OPRM1: variants seen among roughly 807,000 people sequenced by gnomAD.
The protein encoded by OPRM1 is mu-type opioid receptor.
OPRM1 carries 27 observed loss-of-function variants against 31.8 expected under a neutral mutation model. The observed-to-expected ratio is 0.85, with a 90% CI of 0.63 to 1.17. The LOEUF is 1.17. Among genes scored for constraint, OPRM1 ranks in the 50% most tolerant of loss-of-function variants. OPRM1 has a pLI of 0.00. For missense variants in OPRM1, 536 were observed against 511.1 expected (o/e 1.05, Z -0.47); for synonymous variants, 196 against 189.9 (o/e 1.03, Z -0.26).
At chr6:154,114,572 G>T (rs148828506) in intron 3 of OPRM1, among the ~76,000 whole-genome samples, 3 of 152,256 alleles carry the variant, frequency 2.0e-5, no homozygotes, top group African/African-American at 4.8e-5. Flanking sequence ...CCAGGGAAGG[G>T]GTCTTAATCT....
At chr6:154,212,701 A>T in intron 3 of OPRM1, 1 of 1,053,050 alleles carries the variant, frequency 9.5e-7, no homozygotes, top group Non-Finnish European at 1.5e-6. Flanking sequence ...GCTACTTCCT[A>T]TTCAATTGGA....
At chr6:154,059,318 C>T (rs1783946157) in intron 1 of OPRM1, among the ~76,000 whole-genome samples, 1 of 152,238 alleles carries the variant, frequency 6.6e-6, no homozygotes, top group South Asian at 2.1e-4. Flanking sequence ...AAAATAGAAC[C>T]CATCAATTAT....
intron 3 of OPRM1, among the ~76,000 whole-genome samples, chr6:154,174,423 C>A (rs1800130883): frequency 6.6e-6 from 1 of 151,974 alleles, no homozygotes; most frequent in East Asian, 1.9e-4. Context: ...ATTCAGGAGA[C>A]CCATCTCACG....
intron 3 of OPRM1, among the ~76,000 whole-genome samples, chr6:154,177,596 C>T (rs1645727047): frequency 6.6e-6 from 1 of 152,214 alleles, no homozygotes; most frequent in Admixed American, 6.5e-5. Flanking sequence ...GAGATACCAT[C>T]TCACGCCAGT....
intron 1 of OPRM1, among the ~76,000 whole-genome samples, chr6:154,071,766 T>G (rs373030531): frequency 6.6e-6 from 1 of 152,220 alleles, no homozygotes; most frequent in Non-Finnish European, 1.5e-5. Flanking sequence ...AGAGTTGTCA[T>G]TGAGCAGTGG....
chr6:154,109,114 T>C, intron 3 of OPRM1: 1 of 805,484 alleles, frequency 1.2e-6, no homozygotes, highest in Non-Finnish European at 1.5e-6. Context: ...AGGAACGAAA[T>C]AAGCAAATTA....
At chr6:154,013,253 A>G (rs757434339) in intron 1 of OPRM1, among the ~76,000 whole-genome samples, 33 of 152,198 alleles carry the variant, frequency 2.2e-4, no homozygotes, top group Non-Finnish European at 3.5e-4. Flanking sequence ...AACCAGTTAC[A>G]GCCAGGAAAC....
chr6:154,091,624 G>T (rs200039713), intron 3 of OPRM1, 152 bp downstream of exon 3: 32 of 1,427,710 alleles, frequency 2.2e-5, no homozygotes, highest in Non-Finnish European at 2.7e-5. Flanking sequence ...GAAGAGGTTT[G>T]TTATATAAAC....
At chr6:154,205,456 G>T (rs535240782) in intron 3 of OPRM1, among the ~76,000 whole-genome samples, 1 of 152,166 alleles carries the variant, frequency 6.6e-6, no homozygotes, top group Non-Finnish European at 1.5e-5. Flanking sequence ...TTAGCTGGGC[G>T]TGGTGGTGCA....
chr6:154,053,029 C>G (rs1212996923), intron 1 of OPRM1, among the ~76,000 whole-genome samples: 1 of 152,172 alleles, frequency 6.6e-6, no homozygotes, highest in Non-Finnish European at 1.5e-5. Flanking sequence ...TATTTCACCC[C>G]AGGCCTCCAT....
intron 3 of OPRM1, among the ~76,000 whole-genome samples, chr6:154,093,066 T>C (rs1274627018): frequency 3.3e-5 from 5 of 152,196 alleles, no homozygotes; most frequent in Non-Finnish European, 7.4e-5. Flanking sequence ...AGCCCTCCTA[T>C]TCAGTGGCTG....
intron 3 of OPRM1, among the ~76,000 whole-genome samples, chr6:154,144,271 A>T (rs1798302014): frequency 6.6e-6 from 1 of 152,222 alleles, no homozygotes; most frequent in African/African-American, 2.4e-5. Flanking sequence ...ATTCTACACA[A>T]TCTCTTTGAG....
At chr6:154,116,642 T>G (rs1024873675) in intron 3 of OPRM1, among the ~76,000 whole-genome samples, 1 of 151,038 alleles carries the variant, frequency 6.6e-6, no homozygotes, top group Non-Finnish European at 1.5e-5. Flanking sequence ...TTTACCATAA[T>G]GTAGTCACTA....
At chr6:154,246,864 A>T in exon 4 of OPRM1, 1 of 1,330,450 alleles carries the variant, frequency 7.5e-7, no homozygotes, top group Admixed American at 2.7e-5. Flanking sequence ...TTTAATTGTT[A>T]ACCCCCCGGG....
intron 1 of OPRM1, among the ~76,000 whole-genome samples, chr6:154,086,205 T>C (rs1056493344): frequency 1.4e-4 from 21 of 152,294 alleles, no homozygotes; most frequent in East Asian, 3.9e-4. Flanking sequence ...CTGGAGGCAA[T>C]TGGAATTCTT....
intron 1 of OPRM1, among the ~76,000 whole-genome samples, chr6:154,048,545 G>T (rs1036931124): frequency 6.6e-6 from 1 of 152,142 alleles, no homozygotes; most frequent in African/African-American, 2.4e-5. Context: ...TTGTGTTTAG[G>T]TGAGAAATCC....
chr6:154,035,916 A>G (rs1214862538), upstream of OPRM1, among the ~76,000 whole-genome samples: 1 of 152,158 alleles, frequency 6.6e-6, no homozygotes, highest in Non-Finnish European at 1.5e-5. Flanking sequence ...AGATATTTCT[A>G]TTGTACAAAT....
chr6:154,212,364 T>C (rs1270515166), intron 3 of OPRM1, among the ~76,000 whole-genome samples: 1 of 152,250 alleles, frequency 6.6e-6, no homozygotes, highest in Non-Finnish European at 1.5e-5. Flanking sequence ...TCTCCTTTTT[T>C]CTTTCTGCTC....
intron 3 of OPRM1, among the ~76,000 whole-genome samples, chr6:154,193,983 A>G (rs9384186): frequency 0.67 from 101,778 of 152,130 alleles, 34,634 homozygotes; most frequent in East Asian, 0.89. Flanking sequence ...CATGACATAC[A>G]CAGTTTACAT....
Sources: gnomAD v4.1 joint callset for allele counts (sites outside exome capture counted in the v4.1 genomes callset) on GRCh38, gnomAD v4.1.1 for gene constraint, MANE v1.5 for transcripts, NCBI Gene and HGNC (gene_info 2026-07-23, HGNC 2026-07-21) for gene names.